CELF4: variants seen among roughly 807,000 people sequenced by gnomAD.
The protein encoded by CELF4 is CUGBP Elav-like family member 4.
CELF4 carries 18 observed loss-of-function variants against 59.9 expected under a neutral mutation model. That is an observed-to-expected ratio of 0.30 (90% CI 0.21 to 0.45). The LOEUF is 0.45. Ranked by LOEUF, CELF4 falls within the 20% of genes least tolerant of loss-of-function variation. The pLI is 1.00. For synonymous variants in CELF4, 261 were observed against 267.1 expected, an observed-to-expected ratio of 0.98 and a Z score of 0.22; for missense variants, 456 against 689.0, an observed-to-expected ratio of 0.66 and a Z score of 3.79.
chr18:37,258,889 AT>A (rs1471429200), intron 11 of CELF4, among the ~76,000 whole-genome samples: 1 of 152,046 alleles, frequency 6.6e-6, no homozygotes. Flanking sequence ...GAGGAAACCC[AT>A]TTCTTGGACC....
At chr18:37,530,531 T>C (rs2099968450) in intron 1 of CELF4, among the ~76,000 whole-genome samples, 2 of 152,042 alleles carry the variant, frequency 1.3e-5, no homozygotes, top group Admixed American at 1.3e-4. Flanking sequence ...TCATTGTATT[T>C]CCCCACTCCC....
At chr18:37,263,269 T>G (rs889303560) in intron 10 of CELF4, among the ~76,000 whole-genome samples, 6 of 152,188 alleles carry the variant, frequency 3.9e-5, no homozygotes, top group African/African-American at 1.4e-4. Flanking sequence ...GGCCAGGCTC[T>G]CAGCCAGGCA....
In CELF4 at chr18:37,409,508, C is replaced by G. The variant is rs570661041; in HGVS notation, c.369+76017G>C. On this transcript the variant is annotated intron_variant, in intron 2 of 12. Transcript: ENST00000420428. ...ACTGAGCTGAAATCTGTCTGCTCAT[C>G]CCTTGTGTATCTGGTTTACTCTACG... Among the ~76,000 whole-genome samples the G allele has an allele frequency of 4.5e-3, 684 of 152,274 alleles. 6 individuals are homozygous for G. The highest frequency in any genetic ancestry group is 0.016 in the African/African-American group (656 of 41,538).
intron 3 of CELF4, among the ~76,000 whole-genome samples, chr18:37,290,587 A>T (rs1409782142): frequency 2.0e-5 from 3 of 152,174 alleles, no homozygotes. Flanking sequence ...GGCCTAGCGC[A>T]TCTCACCCAC....
intron 2 of CELF4, among the ~76,000 whole-genome samples, chr18:37,431,728 AAAT>A (rs1461037562): frequency 1.3e-5 from 2 of 152,166 alleles, no homozygotes; most frequent in African/African-American, 4.8e-5. Context: ...TATTAAAATT[AAAT>A]TGTTAAACTT....
chr18:37,348,935 C>T (rs956679050), intron 2 of CELF4, among the ~76,000 whole-genome samples: 2 of 152,160 alleles, frequency 1.3e-5, no homozygotes, highest in Non-Finnish European at 2.9e-5. Context: ...TCCCCTCTCT[C>T]ATGCCTCCAG....
chr18:37,434,183 T>C (rs530124865), intron 2 of CELF4, among the ~76,000 whole-genome samples: 4 of 151,936 alleles, frequency 2.6e-5, no homozygotes, highest in African/African-American at 9.7e-5. Flanking sequence ...AGTTAACTAA[T>C]AGTTCAGAAT....
At chr18:37,299,607 G>A (rs1325162230) in intron 3 of CELF4, among the ~76,000 whole-genome samples, 2 of 152,214 alleles carry the variant, frequency 1.3e-5, no homozygotes, top group African/African-American at 2.4e-5. Flanking sequence ...CTCCTGCGGC[G>A]TGAGCACTGC....
At chr18:37,247,676 C>T (rs1372474476) in intron 12 of CELF4, among the ~76,000 whole-genome samples, 8 of 151,858 alleles carry the variant, frequency 5.3e-5, no homozygotes, top group African/African-American at 1.4e-4. Context: ...TACACACACA[C>T]GGTTGTTTAT....
intron 1 of CELF4, among the ~76,000 whole-genome samples, chr18:37,543,223 C>G (rs1234729090): frequency 6.6e-6 from 1 of 152,204 alleles, no homozygotes; most frequent in African/African-American, 2.4e-5. Flanking sequence ...TGACCCATTT[C>G]ATTCCCATCC....
intron 6 of CELF4, chr18:37,273,788 G>A (rs1035438026): frequency 1.0e-6 from 1 of 988,996 alleles, no homozygotes; most frequent in African/African-American, 1.7e-5. Flanking sequence ...GCAGCTCCGG[G>A]AGAGGCTGAC....
In CELF4 at chr18:37,243,925, GGCGACCCGGGCGAC is replaced by G; in HGVS notation, c.*1303_*1316del. ...CGAGGATGACGGCGGCGGCGGCGGC[GGCGACCCGGGCGAC>G]GCGACCGTTCCCGACCGACGGCGTG... On this transcript the variant is annotated 3_prime_UTR_variant, in exon 13 of 13. Transcript: ENST00000420428. The G allele has an allele frequency of 5.4e-6, 1 of 184,818 alleles. No homozygotes were observed. The highest frequency in any genetic ancestry group is 1.3e-4 in the East Asian group (1 of 7,922). 11.4% of individuals were successfully genotyped at this position (184,818 alleles called of 1,614,324 possible).
intron 2 of CELF4, among the ~76,000 whole-genome samples, chr18:37,335,484 T>A (rs911724260): frequency 7.6e-6 from 1 of 131,974 alleles, no homozygotes; most frequent in African/African-American, 3.4e-5. Context: ...GTGCATGCAG[T>A]GTGTGTGTGT....
chr18:37,393,304 G>C (rs566955570), intron 2 of CELF4, among the ~76,000 whole-genome samples: 1 of 152,306 alleles, frequency 6.6e-6, no homozygotes, highest in South Asian at 2.1e-4. Context: ...CCTGGCACTT[G>C]CTCAAAGCCA....
chr18:37,397,120 A>G (rs1304062193), intron 2 of CELF4, among the ~76,000 whole-genome samples: 1 of 151,904 alleles, frequency 6.6e-6, no homozygotes, highest in East Asian at 1.9e-4. Flanking sequence ...CTCCCCACAA[A>G]CCCTCATGCC....
chr18:37,538,982 C>G (rs1373543088), intron 1 of CELF4, among the ~76,000 whole-genome samples: 1 of 152,136 alleles, frequency 6.6e-6, no homozygotes, highest in African/African-American at 2.4e-5. Context: ...CCTGCTGCTC[C>G]CAGCAGCTCC....
At chr18:37,293,978 C>T (rs544857206) in intron 3 of CELF4, among the ~76,000 whole-genome samples, 2 of 152,242 alleles carry the variant, frequency 1.3e-5, no homozygotes, top group African/African-American at 4.8e-5. Context: ...ACCACCTGAC[C>T]CACCAACCAC....
chr18:37,553,487 G>A (rs1272635389), intron 1 of CELF4, among the ~76,000 whole-genome samples: 2 of 152,170 alleles, frequency 1.3e-5, no homozygotes, highest in African/African-American at 4.8e-5. Flanking sequence ...CAGGCCCTAA[G>A]TATGCAAAAG....
intron 1 of CELF4, among the ~76,000 whole-genome samples, chr18:37,539,491 A>G (rs1000168665): frequency 6.8e-5 from 10 of 146,056 alleles, no homozygotes; most frequent in Non-Finnish European, 9.1e-5. Context: ...ACACACACAC[A>G]CGCGTGCACG....
Sources: gnomAD v4.1 joint callset for allele counts (sites outside exome capture counted in the v4.1 genomes callset) on GRCh38, gnomAD v4.1.1 for gene constraint, MANE v1.5 for transcripts, NCBI Gene and HGNC (gene_info 2026-07-23, HGNC 2026-07-21) for gene names.